The following PLEKHA5 variants were observed in gnomAD, a reference collection of about 807,000 sequenced individuals.
PLEKHA5 encodes the protein pleckstrin homology domain containing A5, also known as pleckstrin homology domain-containing family A member 5.
In PLEKHA5, 55 loss-of-function variants were observed where a neutral mutation model predicts 181.9. The observed-to-expected ratio is 0.30, with a 90% confidence interval of 0.24 to 0.38. The LOEUF is 0.38. PLEKHA5 is among the 10% of genes least tolerant of loss of function. The pLI is 1.00. For synonymous variants in PLEKHA5, 535 were observed against 529.4 expected, an observed-to-expected ratio of 1.01 and a Z score of -0.15; for missense variants, 1,432 against 1,549.5, an observed-to-expected ratio of 0.92 and a Z score of 1.27.
At chr12:19,207,189 A>G (rs980240958) in intron 3 of PLEKHA5, 5 of 152,124 alleles carry the variant, frequency 3.3e-5, no homozygotes, top group Non-Finnish European at 7.4e-5. Context: ...ATTCACTGTA[A>G]ACTTGATGAT....
intron 3 of PLEKHA5, among the ~76,000 whole-genome samples, chr12:19,194,601 G>A (rs1037013478): frequency 2.6e-5 from 4 of 152,128 alleles, no homozygotes; most frequent in African/African-American, 7.2e-5. Context: ...CTGGAGAAAT[G>A]CCCCTCATTA....
chr12:19,374,085 C>G (rs2153348558), intron 31 of PLEKHA5, among the ~76,000 whole-genome samples: 1 of 152,260 alleles, frequency 6.6e-6, no homozygotes, highest in Admixed American at 6.5e-5. Flanking sequence ...TATGCATATG[C>G]CATCTTTCTG....
intron 8 of PLEKHA5, among the ~76,000 whole-genome samples, chr12:19,268,789 AT>A: frequency 6.6e-6 from 1 of 152,146 alleles, no homozygotes; most frequent in Non-Finnish European, 1.5e-5. Flanking sequence ...AGTGGTCTTT[AT>A]TTTTCCAAAA....
At chr12:19,253,904 C>A (rs779840326) in intron 3 of PLEKHA5, 36 bp from the exon 4 acceptor site, 3 of 1,116,710 alleles carry the variant, frequency 2.7e-6, no homozygotes, top group South Asian at 1.3e-5. Flanking sequence ...ATTTTAAATA[C>A]CTGCATGTTC....
intron 3 of PLEKHA5, among the ~76,000 whole-genome samples, chr12:19,163,816 T>C (rs950507503): frequency 6.6e-6 from 1 of 152,126 alleles, no homozygotes; most frequent in African/African-American, 2.4e-5. Flanking sequence ...GCCCCTAACC[T>C]CCTAACCACC....
At chr12:19,147,996 C>G (rs2039382009) in intron 3 of PLEKHA5, among the ~76,000 whole-genome samples, 1 of 91,056 alleles carries the variant, frequency 1.1e-5, no homozygotes, top group African/African-American at 4.4e-5. Flanking sequence ...CTTGGCCTCC[C>G]AAAGTGTTAA....
intron 18 of PLEKHA5, 69 bp downstream of exon 18, chr12:19,320,693 C>A: frequency 1.4e-6 from 1 of 715,048 alleles, no homozygotes; most frequent in Non-Finnish European, 2.3e-6. Flanking sequence ...TGGAAATAAG[C>A]ATGACCAAAA....
intron 31 of PLEKHA5, among the ~76,000 whole-genome samples, chr12:19,374,783 C>T (rs916970676): frequency 2.0e-5 from 3 of 151,222 alleles, no homozygotes; most frequent in African/African-American, 4.9e-5. Context: ...GGTGAAACCC[C>T]GTCTCTACTA....
At chr12:19,148,456 CAGT>C (rs2039514640) in intron 3 of PLEKHA5, among the ~76,000 whole-genome samples, 1 of 152,236 alleles carries the variant, frequency 6.6e-6, no homozygotes, top group African/African-American at 2.4e-5. Context: ...AGCCCCTGAC[CAGT>C]AGTAGCCCCT....
At chr12:19,159,340 T>C (rs1413106055) in intron 3 of PLEKHA5, among the ~76,000 whole-genome samples, 1 of 152,182 alleles carries the variant, frequency 6.6e-6, no homozygotes. Flanking sequence ...ATCTGTAATT[T>C]TTATTGCCCT....
chr12:19,153,180 T>G (rs1048429589), intron 3 of PLEKHA5: 1 of 152,138 alleles, frequency 6.6e-6, no homozygotes, highest in South Asian at 2.1e-4. Context: ...GATGAAGATT[T>G]TTGGAAGGTA....
At chr12:19,343,907 C>G (rs1221339761) in intron 22 of PLEKHA5, among the ~76,000 whole-genome samples, 2 of 151,972 alleles carry the variant, frequency 1.3e-5, no homozygotes, top group Non-Finnish European at 2.9e-5. Context: ...ACAAAAAAAG[C>G]CAGGCATGGT....
intron 3 of PLEKHA5, among the ~76,000 whole-genome samples, chr12:19,188,165 A>G (rs749007135): frequency 6.6e-6 from 1 of 152,214 alleles, no homozygotes; most frequent in Non-Finnish European, 1.5e-5. Context: ...GAACATTACT[A>G]GGTTGTCAAG....
intron 11 of PLEKHA5, among the ~76,000 whole-genome samples, chr12:19,276,319 T>C (rs369645638): frequency 1.3e-5 from 2 of 152,184 alleles, no homozygotes; most frequent in South Asian, 2.1e-4. Flanking sequence ...GAGAAGAGGA[T>C]GAGGATGTAT....
At chr12:19,270,139 G>T in intron 9 of PLEKHA5, 49 bp from the exon 10 acceptor site, 4 of 1,224,508 alleles carry the variant, frequency 3.3e-6, no homozygotes, top group Non-Finnish European at 3.3e-6. Context: ...GTGTACTGGG[G>T]TGAATCCAGA....
At chr12:19,329,171 A>C (rs114917264) in intron 20 of PLEKHA5, among the ~76,000 whole-genome samples, 3 of 152,188 alleles carry the variant, frequency 2.0e-5, no homozygotes, top group Non-Finnish European at 4.4e-5. Context: ...CCAATCTTGC[A>C]TCTTAGAAAT....
chr12:19,196,814 T>C lies in PLEKHA5; in HGVS notation c.228-57126T>C, dbSNP rs78240885. 2.6e-3 allele frequency among the ~76,000 whole-genome samples: 18 copies of C among 6,898 alleles called. No homozygotes were observed. In the Non-Finnish European group the frequency reaches 0.038, roughly 14 times the overall value. 4.5% of individuals were successfully genotyped at this position (6,898 alleles called of 152,430 possible). A position where few individuals can be genotyped will look rare whatever the true frequency, so the allele number is the denominator to read the frequency against. On this transcript the variant is annotated intron_variant, in intron 3 of 31. Transcript: ENST00000429027. Reference sequence around the variant, plus strand: ...AACTTGTTTTTTCTTTTTTTTTTCTTTTTTTTTTTTTTTTAGAGAAATAGT... The same window carrying C: ...AACTTGTTTTTTCTTTTTTTTTTCTCTTTTTTTTTTTTTTAGAGAAATAGT...
At chr12:19,347,808 A>C (rs2153203255) in intron 24 of PLEKHA5, among the ~76,000 whole-genome samples, 1 of 152,192 alleles carries the variant, frequency 6.6e-6, no homozygotes, top group East Asian at 1.9e-4. Context: ...TTATTGAATT[A>C]ATATAGTTAT....
At chr12:19,334,866 ATATC>A (rs1332070859) in intron 20 of PLEKHA5, among the ~76,000 whole-genome samples, 829 of 58,666 alleles carry the variant, frequency 0.014, 161 homozygotes, top group Non-Finnish European at 0.022. Flanking sequence ...ATATATATAT[ATATC>A]TCTGTATACG....
Sources: allele counts gnomAD v4.1 joint callset (sites outside exome capture counted in the v4.1 genomes callset), GRCh38; gene constraint gnomAD v4.1.1; transcripts MANE v1.5; gene names NCBI Gene and HGNC (gene_info 2026-07-23, HGNC 2026-07-21).